The following ABCC1 variants were observed in gnomAD, a reference collection of about 807,000 sequenced individuals.
ABCC1 encodes multidrug resistance-associated protein 1.
Under a neutral mutation model 172.9 loss-of-function variants are expected in ABCC1, and 83 were observed. The observed-to-expected ratio is 0.48, with a 90% CI of 0.40 to 0.58. ABCC1 has a LOEUF of 0.58. ABCC1 is among the 20% of genes least tolerant of loss of function. The probability of loss-of-function intolerance (pLI) is 0.00; values close to 1 mark genes in which losing one functional copy is unlikely to be tolerated. For synonymous variants in ABCC1, 937 were observed against 825.2 expected, an observed-to-expected ratio of 1.14 and a Z score of -2.32; for missense variants, 1,817 against 2,002.7, an observed-to-expected ratio of 0.91 and a Z score of 1.77.
At chr16:16,001,578 C>T (rs1403852759) in intron 1 of ABCC1, among the ~76,000 whole-genome samples, 1 of 152,092 alleles carries the variant, frequency 6.6e-6, no homozygotes, top group Non-Finnish European at 1.5e-5. Flanking sequence ...TAGATCTGCC[C>T]TATTTATTAA....
chr16:16,065,595 G>T (rs1224126239), intron 12 of ABCC1, among the ~76,000 whole-genome samples: 1 of 152,062 alleles, frequency 6.6e-6, no homozygotes, highest in African/African-American at 2.4e-5. Flanking sequence ...ACCACACCCG[G>T]CTAATTTTTG....
chr16:16,026,022 C>T (rs908964468), intron 5 of ABCC1, among the ~76,000 whole-genome samples: 6 of 152,154 alleles, frequency 3.9e-5, no homozygotes, highest in Non-Finnish European at 8.8e-5. Flanking sequence ...GACATGCTCC[C>T]TGGATTACAA....
chr16:16,141,135 C>T (rs756586087), intron 30 of ABCC1, 38 bp from the exon 31 acceptor site: 5 of 1,591,482 alleles, frequency 3.1e-6, no homozygotes, highest in East Asian at 2.2e-5. Context: ...GTGCTCACCC[C>T]TCCCCTTCCC....
At position 16,081,941 on chromosome 16, in the gene ABCC1, C is replaced by G. The variant is rs945646779; in HGVS notation, c.2116-1425C>G. On this transcript the variant is annotated intron_variant, in intron 16 of 30. Coordinates refer to ENST00000399410, the MANE Select transcript of ABCC1 (RefSeq NM_004996.4). ...GGCTGAGGAAGGAGAATCCCTTGAG[C>G]CCGGAGGCAGAGACTGCAGTGAGCT... 2.0e-5 allele frequency among the ~76,000 whole-genome samples: 3 copies of G among 152,142 alleles called. No homozygotes were observed. In the East Asian group the frequency reaches 5.8e-4, roughly 29 times the overall value.
At chr16:16,085,432 C>T (rs948524539) in intron 17 of ABCC1, among the ~76,000 whole-genome samples, 2 of 152,188 alleles carry the variant, frequency 1.3e-5, no homozygotes, top group African/African-American at 4.8e-5. Flanking sequence ...GGCTTTCTTA[C>T]GTGGTGAATG....
intron 1 of ABCC1, among the ~76,000 whole-genome samples, chr16:15,998,265 C>T (rs1211573225): frequency 6.6e-6 from 1 of 152,168 alleles, no homozygotes; most frequent in Non-Finnish European, 1.5e-5. Context: ...GGTGGGACTA[C>T]AGGCCTGCAC....
At chr16:16,037,020 T>C (rs577599327) in intron 7 of ABCC1, among the ~76,000 whole-genome samples, 13 of 152,036 alleles carry the variant, frequency 8.6e-5, no homozygotes, top group Non-Finnish European at 1.5e-4. Flanking sequence ...GAGAATCACT[T>C]GAACCCAGGA....
chr16:15,991,031 C>T (rs1180361821), intron 1 of ABCC1, among the ~76,000 whole-genome samples: 3 of 152,078 alleles, frequency 2.0e-5, no homozygotes, highest in Non-Finnish European at 2.9e-5. Context: ...TCTTTGTCCA[C>T]TTGACCACGG....
In ABCC1 at chr16:16,134,519, G is replaced by A. The variant is rs2045839034; in HGVS notation, c.4125+11G>A. On this transcript the variant is annotated intron_variant, in intron 28 of 30. Transcript: ENST00000399410. ...ACCATCATCCCCCAGGTGGGGTCTGGGTGTGGCCCAGGGGGTGAGCCAGAG... is the reference window on the plus strand; with the variant it reads ...ACCATCATCCCCCAGGTGGGGTCTGAGTGTGGCCCAGGGGGTGAGCCAGAG... 6.2e-7 allele frequency: 1 copy of A among 1,613,972 alleles called. No individual in the cohort carries two copies. Among genetic ancestry groups the A allele is most frequent in the African/African-American group, 1.3e-5 (1 of 75,040 alleles).
chr16:15,980,491 C>G (rs1199178462), intron 1 of ABCC1, among the ~76,000 whole-genome samples: 3 of 152,122 alleles, frequency 2.0e-5, no homozygotes, highest in African/African-American at 7.2e-5. Flanking sequence ...TGTCCTCCTT[C>G]ACATGGTGGC....
At chr16:16,044,759 G>T in intron 8 of ABCC1, 79 bp downstream of exon 8, 1 of 1,355,508 alleles carries the variant, frequency 7.4e-7, no homozygotes, top group Non-Finnish European at 1.0e-6. Flanking sequence ...TCATAACCCT[G>T]GGGTCATGCT....
In ABCC1 at chr16:16,014,584, G is replaced by A; in HGVS notation, c.445G>A (p.Ala149Thr). 1 of 1,614,084 alleles carries A rather than the reference G, an allele frequency of 6.2e-7. No homozygotes were observed. The highest frequency in any genetic ancestry group is 8.5e-7 in the Non-Finnish European group (1 of 1,180,006). ...LTFWLVALVC[A>T]LAILRSKIMT... is the part of the protein sequence containing the mutation. Reference sequence around the variant, plus strand: ...TTTCTGGCTGGTAGCCCTAGTGTGTGCCCTAGCCATCCTGAGATCCAAAAT... The same window carrying A: ...TTTCTGGCTGGTAGCCCTAGTGTGTACCCTAGCCATCCTGAGATCCAAAAT... Residue 149 changes from alanine to threonine, a missense_variant, in exon 4 of 31, where the codon GCC becomes ACC. Transcript: ENST00000399410.
At chr16:16,090,361 C>G in intron 18 of ABCC1, 44 bp from the exon 19 acceptor site, 1 of 1,514,602 alleles carries the variant, frequency 6.6e-7, no homozygotes, top group African/African-American at 1.4e-5. Context: ...TAGGCAGTCT[C>G]ACACATGTGC....
chr16:15,978,199 A>G (rs1345733279), intron 1 of ABCC1, among the ~76,000 whole-genome samples: 1 of 151,968 alleles, frequency 6.6e-6, no homozygotes, highest in African/African-American at 2.4e-5. Context: ...GCCAGACCAC[A>G]TCTCTTAAAA....
intron 11 of ABCC1, 127 bp downstream of exon 11, chr16:16,052,943 T>C (rs762789070): frequency 9.6e-5 from 76 of 791,034 alleles, no homozygotes; most frequent in South Asian, 1.2e-4. Context: ...TTGGACTCAC[T>C]TGGGGAGCCT....
intron 22 of ABCC1, among the ~76,000 whole-genome samples, 194 bp from the exon 23 acceptor site, chr16:16,114,572 C>T (rs1372579215): frequency 6.6e-6 from 1 of 152,088 alleles, no homozygotes; most frequent in East Asian, 1.9e-4. Context: ...ATCTCCTGAC[C>T]TCAAGTGATC....
At chr16:16,001,933 GT>G (rs1445508213) in intron 1 of ABCC1, among the ~76,000 whole-genome samples, 11 of 152,084 alleles carry the variant, frequency 7.2e-5, no homozygotes, top group Non-Finnish European at 1.6e-4. Context: ...GCCCAGGGTG[GT>G]TTCAAACTCC....
chr16:16,083,372 G>A lies in ABCC1; in HGVS notation c.2122G>A (p.Val708Met), dbSNP rs749798264. The change falls in exon 17 of 31, where the codon GTG (valine) becomes ATG (methionine). Residue 708 changes from valine to methionine, a missense_variant. Val to Met is a conservative substitution (Grantham distance 21, BLOSUM62 1). Transcript: ENST00000399410. The stretch of plus-strand genomic sequence containing the variant: ...TTCTCCATTTGCAACTTAGGGCTCC[G>A]TGGCCTATGTGCCACAGCAGGCCTG... ...VEGHVAIKGS[V>M]AYVPQQAWIQ... 31 of 1,613,186 alleles carry A rather than the reference G, an allele frequency of 1.9e-5. 1 individual carries two copies. The highest frequency in any genetic ancestry group is 2.2e-5 in the Non-Finnish European group (26 of 1,179,834).
intron 5 of ABCC1, among the ~76,000 whole-genome samples, chr16:16,028,039 C>A: frequency 6.6e-6 from 1 of 152,162 alleles, no homozygotes; most frequent in Non-Finnish European, 1.5e-5. Context: ...GGGATTGAGC[C>A]GTGCCAGCTA....
Sources: gnomAD v4.1 joint callset for allele counts (sites outside exome capture counted in the v4.1 genomes callset) on GRCh38, gnomAD v4.1.1 for gene constraint, MANE v1.5 for transcripts, NCBI Gene and HGNC (gene_info 2026-07-23, HGNC 2026-07-21) for gene names.